NECAB3: variants seen among roughly 807,000 people sequenced by gnomAD.
NECAB3 encodes N-terminal EF-hand calcium binding protein 3.
Under a neutral mutation model 57.2 loss-of-function variants are expected in NECAB3, and 38 were observed. That is an observed-to-expected ratio of 0.66 (90% CI 0.51 to 0.87). The LOEUF is 0.87. NECAB3 is among the 40% of genes least tolerant of loss of function. NECAB3 has a pLI of 0.00. For synonymous variants in NECAB3, 223 were observed against 222.6 expected (o/e 1.00, Z -0.02); for missense variants, 474 against 527.5 (o/e 0.90, Z 0.99).
chr20:33,667,702 C>A, intron 5 of NECAB3: 3 of 1,612,132 alleles, frequency 1.9e-6, no homozygotes, highest in Non-Finnish European at 2.5e-6. Flanking sequence ...TGACCTCTTG[C>A]AGCAGGCCCT....
rs2017441660 is a variant in NECAB3, at chr20:33,660,602, G to A, written c.388-207C>T. 1.3e-5 allele frequency among the ~76,000 whole-genome samples: 2 copies of A among 152,292 alleles called. No homozygotes were observed. Among genetic ancestry groups the A allele is most frequent in the East Asian group, 1.9e-4 (1 of 5,164 alleles). ...CCGGGACTGGCCTCCCTCCCCGGAG[G>A]TGTGAGGCCAACTCACAGGGGGCAT... is the stretch of plus-strand genomic sequence containing the variant. On this transcript the variant is annotated intron_variant, in intron 5 of 11. Coordinates refer to ENST00000246190, the MANE Select transcript of NECAB3 (RefSeq NM_031232.4). This position sits in a 1 kb window ranked among gnomAD's most constrained non-coding sequence, Gnocchi z 4.1.
chr20:33,662,681 T>C, intron 5 of NECAB3: 1 of 575,326 alleles, frequency 1.7e-6, no homozygotes, highest in Admixed American at 3.3e-5. Flanking sequence ...GGCTCACGCC[T>C]GTAATCCCAA....
Position 33,659,718 on chromosome 20 carries a change from C to G in NECAB3, c.658G>C (p.Ala220Pro). 5 of 1,602,510 alleles carry G rather than the reference C, an allele frequency of 3.1e-6. No homozygotes were observed. The highest frequency in any genetic ancestry group is 4.2e-6 in the Non-Finnish European group (5 of 1,177,462). ...ACCTGGAGCCGCCACTGCATCTCGG[C>G]CTCTGAGCTGCGCCCTGTGTGTGGG... ...GSSDTGRSSEAEMQWRLQVNR... is the reference protein window; with the variant it reads ...GSSDTGRSSEPEMQWRLQVNR... The change falls in exon 8 of 12, where the codon GCC (alanine) becomes CCC (proline). Residue 220 changes from alanine (A) to proline (P), a missense_variant. Coordinates refer to ENST00000246190, the MANE Select transcript of NECAB3 (RefSeq NM_031232.4).
At chr20:33,670,649 C>T (rs927623442) in intron 3 of NECAB3, 35 bp downstream of exon 3, 1 of 1,492,538 alleles carries the variant, frequency 6.7e-7, no homozygotes, top group East Asian at 2.3e-5. Flanking sequence ...GACAACCTGG[C>T]CTCGCATCTA....
chr20:33,672,166 T>C, intron 2 of NECAB3: 1 of 586,028 alleles, frequency 1.7e-6, no homozygotes, highest in Non-Finnish European at 3.1e-6. Flanking sequence ...TGTGTGAAAG[T>C]CAGCCCCTAT....
intron 5 of NECAB3, chr20:33,667,671 T>C: frequency 1.2e-6 from 2 of 1,611,618 alleles, no homozygotes; most frequent in Non-Finnish European, 1.7e-6. Flanking sequence ...ACCTGCGGGA[T>C]CTGCTGGTGG....
At chr20:33,667,773 G>T (rs1466731919) in intron 5 of NECAB3, 1 of 1,612,584 alleles carries the variant, frequency 6.2e-7, no homozygotes, top group Admixed American at 1.7e-5. Flanking sequence ...TGGACTTCGA[G>T]GGCGACCTCC....
intron 2 of NECAB3, among the ~76,000 whole-genome samples, 187 bp from the exon 3 acceptor site, chr20:33,670,979 G>A (rs150758233): frequency 1.2e-3 from 178 of 152,348 alleles, no homozygotes; most frequent in African/African-American, 4.1e-3. Flanking sequence ...CCTTGAAGGT[G>A]TCCAGTGAAG....
At chr20:33,669,040 C>CCAGCAACTAAAGCAA in intron 5 of NECAB3, 2 of 304,824 alleles carry the variant, frequency 6.6e-6, no homozygotes, top group East Asian at 1.7e-4. Flanking sequence ...TTGTGATGGG[C>CCAGCAACTAAAGCAA]CAGCAACTAA....
chr20:33,665,124 TG>T (rs2017608666), intron 5 of NECAB3: 1 of 152,302 alleles, frequency 6.6e-6, no homozygotes, highest in African/African-American at 2.4e-5. Context: ...ATTCAGGAGC[TG>T]TAAGAGACCA....
intron 9 of NECAB3, 63 bp downstream of exon 9, chr20:33,658,659 C>G: frequency 6.3e-7 from 1 of 1,597,500 alleles, no homozygotes; most frequent in Non-Finnish European, 8.6e-7. Flanking sequence ...ATGGCCAGCC[C>G]CAGCACCCCT....
Position 33,662,559 on chromosome 20 carries a change from T to C in NECAB3, c.388-2164A>G, listed in dbSNP as rs115573317. On this transcript the variant is annotated intron_variant, in intron 5 of 11. Coordinates refer to ENST00000246190, the MANE Select transcript of NECAB3 (RefSeq NM_031232.4). ...AGTGGGTGGGAAGGGATGCTGGGAG[T>C]CTAGGCCTTGTATGCAGAAGTCCTA... 6,406 of 1,437,648 alleles carry C rather than the reference T, an allele frequency of 4.5e-3. 246 individuals are homozygous for C. In the African/African-American group the frequency reaches 0.081, roughly 18 times the overall value. The allele number at this position is 1,437,648 out of a possible 1,614,324, so 89.1% of individuals were successfully genotyped here.
chr20:33,658,579 G>T (rs759483612), intron 9 of NECAB3, 25 bp from the exon 10 acceptor site: 10 of 1,612,324 alleles, frequency 6.2e-6, no homozygotes, highest in Non-Finnish European at 8.5e-6. Context: ...AGATGGGCAG[G>T]CCAGGCCAGG....
chr20:33,669,669 T>G lies in NECAB3; in HGVS notation c.289+18A>C. ...CCCAGGGGCCACAGGAGAAAAGAGC[T>G]CCCATGGGCCTACTCACCACACAGT... On this transcript the variant is annotated intron_variant, in intron 4 of 11. Transcript: ENST00000246190. 6.3e-7 allele frequency: 1 copy of G among 1,584,382 alleles called. No homozygotes were observed. The highest frequency in any genetic ancestry group is 8.6e-7 in the Non-Finnish European group (1 of 1,166,710).
Position 33,674,377 on chromosome 20 carries a change from G to A in NECAB3, c.-25C>T. ...TGGCGCCGCCACCCGCTCGGGCTCG[G>A]CTGCGGTTGCTGCCGACCCTGGACG... On this transcript the variant is annotated 5_prime_UTR_variant, in exon 1 of 12. Transcript: ENST00000246190. 1 of 1,158,160 alleles carries A rather than the reference G, an allele frequency of 8.6e-7. No individual in the cohort carries two copies. The highest frequency in any genetic ancestry group is 1.1e-6 in the Non-Finnish European group (1 of 940,796). The allele number at this position is 1,158,160 out of a possible 1,614,324, so 71.7% of individuals were successfully genotyped here. A position where few individuals can be genotyped will look rare whatever the true frequency, so the allele number is the denominator to read the frequency against.
At chr20:33,672,455 A>T in intron 1 of NECAB3, 33 bp from the exon 2 acceptor site, 1 of 1,613,832 alleles carries the variant, frequency 6.2e-7, no homozygotes, top group Non-Finnish European at 8.5e-7. Flanking sequence ...GAGAACTGTG[A>T]GTGCCACCTG....
At chr20:33,667,259 C>T in intron 5 of NECAB3, 1 of 440,574 alleles carries the variant, frequency 2.3e-6, no homozygotes, top group Non-Finnish European at 3.8e-6. Context: ...CCGGTGCTGC[C>T]CGGAGCGCCG....
chr20:33,673,378 G>T (rs1157907709), intron 1 of NECAB3, among the ~76,000 whole-genome samples: 1 of 152,180 alleles, frequency 6.6e-6, no homozygotes, highest in African/African-American at 2.4e-5. Flanking sequence ...CTCAGAGAAG[G>T]TCTGCCACTG....
At chr20:33,663,751 CT>C in intron 5 of NECAB3, 1 of 1,483,606 alleles carries the variant, frequency 6.7e-7, no homozygotes. Context: ...CAGGGCAGCT[CT>C]GAGCTGGCCG....
Sources: gnomAD v4.1 joint callset for allele counts (sites outside exome capture counted in the v4.1 genomes callset) on GRCh38, gnomAD v4.1.1 for gene constraint, Gnocchi (gnomAD v3.1) non-coding constraint, MANE v1.5 for transcripts, NCBI Gene and HGNC (gene_info 2026-07-23, HGNC 2026-07-21) for gene names.